The following ARHGEF10L variants were observed in gnomAD, a reference collection of about 807,000 sequenced individuals.
ARHGEF10L encodes the protein rho guanine nucleotide exchange factor 10-like protein.
Under a neutral mutation model 141.2 loss-of-function variants are expected in ARHGEF10L, and 69 were observed. The observed-to-expected ratio is 0.49, with a 90% CI of 0.40 to 0.60. ARHGEF10L has a LOEUF of 0.60. ARHGEF10L is among the 20% of genes least tolerant of loss of function. The pLI is 0.00. For missense variants in ARHGEF10L, 1,482 were observed against 1,734.3 expected (o/e 0.85, Z 2.58); for synonymous variants, 711 against 718.5 (o/e 0.99, Z 0.17).
the ARHGEF10L span, among the ~76,000 whole-genome samples, chr1:17,515,996 C>T: frequency 1.3e-5 from 2 of 152,236 alleles, no homozygotes; most frequent in Non-Finnish European, 2.9e-5. Context: ...CATGGTACTG[C>T]TTTGAGGCCC....
chr1:17,619,413 G>A lies in ARHGEF10L; in HGVS notation c.910G>A (p.Gly304Ser). 1.9e-6 allele frequency: 3 copies of A among 1,611,692 alleles called. No individual in the cohort carries two copies. The highest frequency in any genetic ancestry group is 2.5e-6 in the Non-Finnish European group (3 of 1,179,354). Reference sequence around the variant, plus strand: ...CATCAAGCCCCCAGCCCCAGAGCTGGGCCCCATGCCAGAGGGCCTGAGCCC... The same window carrying A: ...CATCAAGCCCCCAGCCCCAGAGCTGAGCCCCATGCCAGAGGGCCTGAGCCC... ...SDIKPPAPELGPMPEGLSPQQ... is the reference protein window; with the variant it reads ...SDIKPPAPELSPMPEGLSPQQ... Residue 304 changes from glycine (G) to serine (S), a missense_variant, in exon 10 of 29, where the codon GGC becomes AGC. Coordinates refer to ENST00000361221, the MANE Select transcript of ARHGEF10L (RefSeq NM_018125.4). This position sits in a 1 kb window ranked among gnomAD's most constrained non-coding sequence, Gnocchi z 5.0.
chr1:17,586,271 CAG>C (rs2079016801), intron 2 of ARHGEF10L, among the ~76,000 whole-genome samples: 1 of 152,168 alleles, frequency 6.6e-6, no homozygotes, highest in South Asian at 2.1e-4. Context: ...AACCAAAATT[CAG>C]AGAGGCAAAG....
At chr1:17,568,345 C>T (rs1200644322) in intron 1 of ARHGEF10L, among the ~76,000 whole-genome samples, 2 of 152,166 alleles carry the variant, frequency 1.3e-5, no homozygotes, top group African/African-American at 2.4e-5. Context: ...TTATAGTTGT[C>T]ATTGTATGGA....
At chr1:17,588,571 C>A (rs116178304) in intron 4 of ARHGEF10L, 92 bp downstream of exon 4, 10 of 1,506,316 alleles carry the variant, frequency 6.6e-6, no homozygotes, top group Non-Finnish European at 9.2e-6. Context: ...GCCCAGAGGA[C>A]CCGACTGGTC....
At chr1:17,660,625 G>A (rs1022227760) in intron 25 of ARHGEF10L, among the ~76,000 whole-genome samples, 2 of 152,080 alleles carry the variant, frequency 1.3e-5, no homozygotes. Flanking sequence ...GCCCAATCTC[G>A]ACCCCTGAGG....
At position 17,587,537 on chromosome 1, in the gene ARHGEF10L, G is replaced by A. The variant is rs148896370; in HGVS notation, c.115G>A (p.Asp39Asn). ...DDPGEAFEFD[D>N]SDDEEDTSAA... ...CCCAGGAGAGGCGTTTGAGTTTGATGACAGTGATGATGAAGAGGACACCAG... is the reference window on the plus strand; with the variant it reads ...CCCAGGAGAGGCGTTTGAGTTTGATAACAGTGATGATGAAGAGGACACCAG... The change falls in exon 3 of 29, where the codon GAC becomes AAC. Residue 39 changes from aspartate (D) to asparagine (N), a missense_variant. Coordinates refer to ENST00000361221, the MANE Select transcript of ARHGEF10L (RefSeq NM_018125.4). 19 of 1,614,102 alleles carry A rather than the reference G, an allele frequency of 1.2e-5. No homozygotes were observed. The highest frequency in any genetic ancestry group is 1.6e-5 in the Non-Finnish European group (19 of 1,180,044).
intron 1 of ARHGEF10L, among the ~76,000 whole-genome samples, chr1:17,569,408 G>A (rs1381123404): frequency 6.6e-6 from 1 of 152,202 alleles, no homozygotes; most frequent in Admixed American, 6.5e-5. Context: ...GGGGTCCTGG[G>A]GCTCCATGCT....
At chr1:17,664,003 G>A (rs1167862687) in intron 25 of ARHGEF10L, among the ~76,000 whole-genome samples, 1 of 152,200 alleles carries the variant, frequency 6.6e-6, no homozygotes, top group Admixed American at 6.5e-5. Flanking sequence ...TGCTTGGCGT[G>A]TCATGTGATA....
chr1:17,649,703 G>A (rs1314925690), intron 22 of ARHGEF10L, among the ~76,000 whole-genome samples: 1 of 152,192 alleles, frequency 6.6e-6, no homozygotes, highest in South Asian at 2.1e-4. Flanking sequence ...AAATAGAAAA[G>A]AGTGAGGTGT....
In ARHGEF10L at chr1:17,697,077, C is replaced by A; in HGVS notation, c.3537C>A (p.Ser1179=). The A allele has an allele frequency of 6.2e-7, 1 of 1,606,350 alleles. No individual in the cohort carries two copies. ...KGILLQYRLR[S]TAHLPGPLLS... Reference sequence around the variant, plus strand: ...TCCTCTTGCAGTACCGCCTGCGCTCCACCGCACACCTCCCGGGCCCGCTGC... The same window carrying A: ...TCCTCTTGCAGTACCGCCTGCGCTCAACCGCACACCTCCCGGGCCCGCTGC... Residue 1179 remains serine, a synonymous_variant, in exon 29 of 29, where the codon TCC becomes TCA. Coordinates refer to ENST00000361221, the MANE Select transcript of ARHGEF10L (RefSeq NM_018125.4). The surrounding 1 kb of genome is among the most constrained non-coding windows in gnomAD (Gnocchi z 4.8).
chr1:17,688,521 T>A (rs1327153139), intron 27 of ARHGEF10L, among the ~76,000 whole-genome samples: 1 of 152,190 alleles, frequency 6.6e-6, no homozygotes, highest in African/African-American at 2.4e-5. Flanking sequence ...GAGACTGACC[T>A]GCGGCCAGTG....
the ARHGEF10L span, among the ~76,000 whole-genome samples, chr1:17,527,781 A>G: frequency 1.3e-5 from 2 of 151,324 alleles, no homozygotes; most frequent in African/African-American, 4.9e-5. Context: ...CCAGTTTCCG[A>G]CCTATTCACT....
chr1:17,664,665 A>T (rs1278350020), intron 26 of ARHGEF10L, 70 bp downstream of exon 26: 8 of 1,401,790 alleles, frequency 5.7e-6, no homozygotes, highest in Non-Finnish European at 7.4e-6. Flanking sequence ...TCTTATGTCC[A>T]CCCCGGCACC....
the ARHGEF10L span, among the ~76,000 whole-genome samples, chr1:17,533,164 C>T: frequency 6.6e-6 from 1 of 152,284 alleles, no homozygotes; most frequent in South Asian, 2.1e-4. Flanking sequence ...TCTTGACGAA[C>T]ATTCAAGGCT....
At chr1:17,635,273 C>T (rs1298130184) in intron 18 of ARHGEF10L, among the ~76,000 whole-genome samples, 3 of 152,224 alleles carry the variant, frequency 2.0e-5, no homozygotes, top group Non-Finnish European at 1.5e-5. Flanking sequence ...GCCACACACT[C>T]TGTCCTGCTG....
chr1:17,642,328 G>A (rs528579085), intron 21 of ARHGEF10L, among the ~76,000 whole-genome samples: 2 of 152,318 alleles, frequency 1.3e-5, no homozygotes, highest in East Asian at 1.9e-4. Context: ...CCTGAGGTAG[G>A]GACAGAAGGA....
At chr1:17,582,942 G>A (rs2078704705) in intron 2 of ARHGEF10L, among the ~76,000 whole-genome samples, 1 of 151,970 alleles carries the variant, frequency 6.6e-6, no homozygotes, top group African/African-American at 2.4e-5. Flanking sequence ...GGGAGGAGGT[G>A]CAGGCCAGGC....
intron 21 of ARHGEF10L, among the ~76,000 whole-genome samples, chr1:17,647,208 C>T (rs759513160): frequency 5.3e-5 from 8 of 152,174 alleles, no homozygotes; most frequent in Non-Finnish European, 1.0e-4. Flanking sequence ...TCTTGGGTGT[C>T]AGATCTAGGC....
At chr1:17,532,408 T>A in the ARHGEF10L span, among the ~76,000 whole-genome samples, 1 of 152,060 alleles carries the variant, frequency 6.6e-6, no homozygotes, top group South Asian at 2.1e-4. Context: ...TCAGCAGACA[T>A]CCCCAAGTGC....
Sources: allele counts gnomAD v4.1 joint callset (sites outside exome capture counted in the v4.1 genomes callset), GRCh38; gene constraint gnomAD v4.1.1; non-coding constraint Gnocchi (gnomAD v3.1); transcripts MANE v1.5; gene names NCBI Gene and HGNC (gene_info 2026-07-23, HGNC 2026-07-21).